IL1RAPL2: variants seen among roughly 807,000 people sequenced by gnomAD.
IL1RAPL2 encodes interleukin 1 receptor accessory protein like 2.
In IL1RAPL2, 3 loss-of-function variants were observed where a neutral mutation model predicts 44.1. The observed-to-expected ratio is 0.07, with a 90% CI of 0.03 to 0.18. The LOEUF (loss-of-function observed/expected upper bound fraction) is 0.18, where lower values mean the gene tolerates loss of function less well. IL1RAPL2 is among the 10% of genes least tolerant of loss of function. IL1RAPL2 has a pLI of 1.00. For missense variants in IL1RAPL2, 391 were observed against 496.4 expected (o/e 0.79, Z 2.02); for synonymous variants, 181 against 178.8 (o/e 1.01, Z -0.10).
At chrX:105,432,554 C>A (rs1602409729) in intron 5 of IL1RAPL2, among the ~76,000 whole-genome samples, 2 of 110,962 alleles carry the variant, frequency 1.8e-5, no homozygotes, top group African/African-American at 3.3e-5. Flanking sequence ...ATCATTAAGC[C>A]CCCCCTTTTT....
chrX:105,303,048 A>G (rs2034708636), intron 5 of IL1RAPL2, among the ~76,000 whole-genome samples: 1 of 111,338 alleles, frequency 9.0e-6, no homozygotes, highest in Admixed American at 9.5e-5. Context: ...AAAGTCCACA[A>G]TCACTGCACT....
intron 3 of IL1RAPL2, among the ~76,000 whole-genome samples, chrX:105,224,012 T>C (rs782221415): frequency 2.7e-5 from 3 of 111,043 alleles, no homozygotes; most frequent in South Asian, 3.8e-4. Flanking sequence ...ACTAGAGATA[T>C]GTATTATAAA....
At chrX:104,967,208 C>T (rs1316147203) in intron 2 of IL1RAPL2, among the ~76,000 whole-genome samples, 1 of 111,721 alleles carries the variant, frequency 9.0e-6, no homozygotes, top group Non-Finnish European at 1.9e-5. Flanking sequence ...TAATACAGAC[C>T]ATGTTCTCTT....
intron 2 of IL1RAPL2, among the ~76,000 whole-genome samples, chrX:104,721,628 T>TA (rs1440080928): frequency 9.1e-6 from 1 of 110,445 alleles, no homozygotes; most frequent in Non-Finnish European, 1.9e-5. Context: ...CACCATGACA[T>TA]ACGTTTACTG....
intron 6 of IL1RAPL2, among the ~76,000 whole-genome samples, chrX:105,661,863 T>C (rs747735845): frequency 4.4e-5 from 5 of 112,519 alleles, no homozygotes; most frequent in Non-Finnish European, 9.4e-5. Context: ...AAATGCAATA[T>C]TTTTCATCTT....
chrX:105,406,136 T>C (rs1391197539), intron 5 of IL1RAPL2: 13 of 1,177,176 alleles, frequency 1.1e-5, no homozygotes, highest in Non-Finnish European at 1.5e-5. Flanking sequence ...GACTTAAATG[T>C]GTTTGTTTAT....
At chrX:104,588,216 C>T (rs960962712) in intron 1 of IL1RAPL2, among the ~76,000 whole-genome samples, 2 of 111,030 alleles carry the variant, frequency 1.8e-5, no homozygotes, top group Non-Finnish European at 3.8e-5. Flanking sequence ...ACTGCACTCC[C>T]CTCCCCGCCC....
chrX:105,322,354 T>A (rs927810413), intron 5 of IL1RAPL2, among the ~76,000 whole-genome samples: 2 of 112,525 alleles, frequency 1.8e-5, no homozygotes, highest in African/African-American at 3.2e-5. Flanking sequence ...TTTCCCAGTT[T>A]CTTTAGGTCA....
intron 2 of IL1RAPL2, among the ~76,000 whole-genome samples, chrX:104,851,672 A>G (rs1922228137): frequency 9.0e-6 from 1 of 111,678 alleles, no homozygotes; most frequent in Non-Finnish European, 1.9e-5. Flanking sequence ...CTCATTTCTA[A>G]CACTGTCTTG....
intron 5 of IL1RAPL2, among the ~76,000 whole-genome samples, chrX:105,466,198 T>TGATA (rs1332500462): frequency 1.8e-5 from 2 of 110,946 alleles, no homozygotes; most frequent in Non-Finnish European, 3.8e-5. Flanking sequence ...GACCCCTTGG[T>TGATA]GATACGACCT....
chrX:104,733,899 A>T (rs1384941547), intron 2 of IL1RAPL2, among the ~76,000 whole-genome samples: 1 of 110,611 alleles, frequency 9.0e-6, no homozygotes, highest in Admixed American at 9.7e-5. Context: ...CTAATAAAGG[A>T]CTTGAATCCA....
chrX:105,501,155 A>C (rs1418609709), intron 6 of IL1RAPL2, among the ~76,000 whole-genome samples: 1 of 111,901 alleles, frequency 8.9e-6, no homozygotes, highest in Admixed American at 9.5e-5. Flanking sequence ...TGTATGAACA[A>C]ATTTACAGAT....
intron 6 of IL1RAPL2, among the ~76,000 whole-genome samples, chrX:105,647,886 G>A (rs2037617651): frequency 9.0e-6 from 1 of 111,367 alleles, no homozygotes. Context: ...ACATCTGCTT[G>A]TTAGTGGACT....
In IL1RAPL2 at chrX:105,056,211, T is replaced by A. The variant is rs146545480; in HGVS notation, c.83-139264T>A. On this transcript the variant is annotated intron_variant, in intron 2 of 10. Transcript: ENST00000372582. ...TATTCTCACCTCCATATACTGGAAG[T>A]CTTCTTTGTGCTAGTAGGTATTCTG... 4.5e-3 allele frequency among the ~76,000 whole-genome samples: 500 copies of A among 111,590 alleles called. 1 individual carries two copies. Among genetic ancestry groups the A allele is most frequent in the Non-Finnish European group, 7.8e-3 (412 of 53,065 alleles).
chrX:105,334,755 G>A (rs1469543020), intron 5 of IL1RAPL2, among the ~76,000 whole-genome samples: 2 of 110,319 alleles, frequency 1.8e-5, no homozygotes, highest in Non-Finnish European at 3.8e-5. Context: ...TGAATTGGGA[G>A]CTTTGTATGC....
intron 5 of IL1RAPL2, among the ~76,000 whole-genome samples, chrX:105,313,429 C>T (rs2034813496): frequency 8.9e-6 from 1 of 111,756 alleles, no homozygotes; most frequent in South Asian, 3.7e-4. Flanking sequence ...GGACTCGATC[C>T]TTTCCATCTT....
chrX:104,751,451 G>A (rs1932258557), intron 2 of IL1RAPL2, among the ~76,000 whole-genome samples: 1 of 111,700 alleles, frequency 9.0e-6, no homozygotes, highest in African/African-American at 3.3e-5. Context: ...GGGTTAGAAT[G>A]AGGTCATGGA....
At chrX:105,095,175 G>T (rs745955512) in intron 2 of IL1RAPL2, among the ~76,000 whole-genome samples, 2 of 110,423 alleles carry the variant, frequency 1.8e-5, no homozygotes, top group Non-Finnish European at 3.8e-5. Context: ...TAATTCCCTT[G>T]CCTGTCACCC....
At chrX:104,972,381 C>T (rs1365181863) in intron 2 of IL1RAPL2, among the ~76,000 whole-genome samples, 5 of 111,470 alleles carry the variant, frequency 4.5e-5, no homozygotes, top group Non-Finnish European at 9.4e-5. Flanking sequence ...TACCCAACTT[C>T]CCAGGTTCAG....
Sources: allele counts gnomAD v4.1 joint callset (sites outside exome capture counted in the v4.1 genomes callset), GRCh38; gene constraint gnomAD v4.1.1; transcripts MANE v1.5; gene names NCBI Gene and HGNC (gene_info 2026-07-23, HGNC 2026-07-21).